The following KCNH8 variants were observed in gnomAD, a reference collection of about 807,000 sequenced individuals.
KCNH8 encodes the protein voltage-gated delayed rectifier potassium channel KCNH8.
KCNH8 carries 70 observed loss-of-function variants against 103.6 expected under a neutral mutation model. The observed-to-expected ratio is 0.68, with a 90% confidence interval of 0.56 to 0.82. KCNH8 has a LOEUF of 0.82. Ranked by LOEUF, KCNH8 falls within the 40% of genes least tolerant of loss-of-function variation. KCNH8 has a pLI of 0.00. For synonymous variants in KCNH8, 498 were observed against 489.4 expected (o/e 1.02, Z -0.23); for missense variants, 1,217 against 1,329.9 (o/e 0.92, Z 1.32).
intron 3 of KCNH8, among the ~76,000 whole-genome samples, chr3:19,322,757 A>G (rs1342331753): frequency 2.0e-5 from 3 of 152,224 alleles, no homozygotes. Context: ...AGGCCAGGGA[A>G]GCTTTCCTTG....
intron 1 of KCNH8, among the ~76,000 whole-genome samples, chr3:19,153,694 G>A (rs1403450155): frequency 7.0e-6 from 1 of 142,760 alleles, no homozygotes; most frequent in East Asian, 2.1e-4. Flanking sequence ...GTGCAGTGGT[G>A]CGATCTTGGC....
At chr3:19,249,743 A>G (rs909815421) in intron 1 of KCNH8, among the ~76,000 whole-genome samples, 6 of 152,302 alleles carry the variant, frequency 3.9e-5, no homozygotes, top group African/African-American at 1.2e-4. Flanking sequence ...TTGCTTGAGG[A>G]TACATAAGGG....
At chr3:19,509,219 C>G (rs1447429499) in intron 11 of KCNH8, among the ~76,000 whole-genome samples, 1 of 152,146 alleles carries the variant, frequency 6.6e-6, no homozygotes, top group Non-Finnish European at 1.5e-5. Flanking sequence ...AAATTAAACA[C>G]TGATGAAACA....
At chr3:19,339,491 T>G (rs1377048355) in intron 3 of KCNH8, among the ~76,000 whole-genome samples, 1 of 152,130 alleles carries the variant, frequency 6.6e-6, no homozygotes, top group African/African-American at 2.4e-5. Flanking sequence ...AAATGTAGTT[T>G]ACAAAGATTC....
intron 1 of KCNH8, among the ~76,000 whole-genome samples, chr3:19,225,559 G>A (rs1248647297): frequency 6.6e-6 from 1 of 152,076 alleles, no homozygotes; most frequent in Non-Finnish European, 1.5e-5. Flanking sequence ...TCTTCTGGAC[G>A]TATGAATGTG....
intron 3 of KCNH8, among the ~76,000 whole-genome samples, chr3:19,341,610 G>A (rs893656054): frequency 1.4e-4 from 22 of 152,126 alleles, no homozygotes; most frequent in African/African-American, 4.6e-4. Context: ...AAGAGCTATT[G>A]CAAATAAATT....
At chr3:19,413,689 G>T (rs990501383) in intron 7 of KCNH8, among the ~76,000 whole-genome samples, 3 of 151,934 alleles carry the variant, frequency 2.0e-5, no homozygotes, top group African/African-American at 7.2e-5. Context: ...CTTTGATCTC[G>T]GACTTCCAGC....
chr3:19,467,329 G>A (rs891076311), intron 11 of KCNH8, among the ~76,000 whole-genome samples: 4 of 139,158 alleles, frequency 2.9e-5, no homozygotes, highest in Admixed American at 2.1e-4. Context: ...ACACACACAT[G>A]TGCACACACA....
At position 19,312,576 on chromosome 3, in the gene KCNH8, A is replaced by G. The variant is rs946588609; in HGVS notation, c.443-30011A>G. On this transcript the variant is annotated intron_variant, in intron 3 of 15. Coordinates refer to ENST00000328405, the MANE Select transcript of KCNH8 (RefSeq NM_144633.3). ...CTGAACCATCAGTCACTTCTCAGAA[A>G]TTCTTAGCTCTTCAGTGGCCAATCA... 3.3e-5 allele frequency among the ~76,000 whole-genome samples: 5 copies of G among 152,082 alleles called. No individual in the cohort carries two copies. The East Asian group carries it at 9.7e-4, about 30-fold the overall frequency.
At chr3:19,321,293 T>C (rs2065346724) in intron 3 of KCNH8, among the ~76,000 whole-genome samples, 1 of 152,080 alleles carries the variant, frequency 6.6e-6, no homozygotes, top group Admixed American at 6.6e-5. Context: ...ATTTTTGCTC[T>C]TTCAGACTTT....
In KCNH8 at chr3:19,534,505, C is replaced by A. The variant is rs1229711821; in HGVS notation, c.*406C>A. 1.1e-5 allele frequency: 2 copies of A among 175,698 alleles called. No individual in the cohort carries two copies. The highest frequency in any genetic ancestry group is 3.1e-4 in the East Asian group (2 of 6,376). 10.9% of individuals were successfully genotyped at this position (175,698 alleles called of 1,614,324 possible). A position where few individuals can be genotyped will look rare whatever the true frequency, so the allele number is the denominator to read the frequency against. On this transcript the variant is annotated 3_prime_UTR_variant, in exon 16 of 16. Transcript: ENST00000328405. ...ACAATATCCATAGCACTGTTGGCCT[C>A]AGGAGTGCACAGCTCCTGCTGATGT...
intron 11 of KCNH8, among the ~76,000 whole-genome samples, chr3:19,457,508 A>G (rs1298098261): frequency 1.1e-4 from 17 of 152,060 alleles, no homozygotes; most frequent in Admixed American, 9.2e-4. Flanking sequence ...ATGCAATTAT[A>G]TATTTGCTGC....
At chr3:19,315,167 T>C (rs1272494498) in intron 3 of KCNH8, among the ~76,000 whole-genome samples, 1 of 151,934 alleles carries the variant, frequency 6.6e-6, no homozygotes, top group East Asian at 1.9e-4. Flanking sequence ...GGCCCAGGAT[T>C]GTGCAGACTT....
chr3:19,353,028 C>T (rs1026339188), intron 5 of KCNH8, among the ~76,000 whole-genome samples: 4 of 151,542 alleles, frequency 2.6e-5, no homozygotes, highest in Admixed American at 6.6e-5. Flanking sequence ...ATTGAATAGT[C>T]GCAATAAAAA....
chr3:19,502,394 A>C (rs1473406255), intron 11 of KCNH8, among the ~76,000 whole-genome samples: 1 of 150,930 alleles, frequency 6.6e-6, no homozygotes, highest in African/African-American at 2.4e-5. Context: ...GCTACCAATG[A>C]CTTTCTTCAC....
chr3:19,229,985 A>C lies in KCNH8; in HGVS notation c.77-23669A>C, dbSNP rs184086041. On this transcript the variant is annotated intron_variant, in intron 1 of 15. Transcript: ENST00000328405. ...AAGAAAAAGAGGTTTAATTGGACTT[A>C]ACAGTTCCACGTAGCTGGGGAGGCC... is the stretch of plus-strand genomic sequence containing the variant. Among the ~76,000 whole-genome samples the C allele has an allele frequency of 6.9e-3, 1,047 of 152,156 alleles. 12 individuals carry two copies. Among genetic ancestry groups the C allele is most frequent in the African/African-American group, 0.023 (944 of 41,414 alleles).
chr3:19,196,777 A>G (rs951250980), intron 1 of KCNH8, among the ~76,000 whole-genome samples: 5 of 152,070 alleles, frequency 3.3e-5, no homozygotes, highest in African/African-American at 1.2e-4. Context: ...CTTGTTAATT[A>G]ATAAGTTAAA....
chr3:19,439,753 G>T (rs1315888778), intron 8 of KCNH8, among the ~76,000 whole-genome samples: 1 of 151,878 alleles, frequency 6.6e-6, no homozygotes, highest in Non-Finnish European at 1.5e-5. Flanking sequence ...AATAACAGAG[G>T]TTAAAGATAA....
At chr3:19,466,486 T>C (rs2067738000) in intron 11 of KCNH8, among the ~76,000 whole-genome samples, 1 of 151,998 alleles carries the variant, frequency 6.6e-6, no homozygotes. Context: ...GTCACAAACT[T>C]CATTGTTGTT....
Sources: gnomAD v4.1 joint callset for allele counts (sites outside exome capture counted in the v4.1 genomes callset) on GRCh38, gnomAD v4.1.1 for gene constraint, MANE v1.5 for transcripts, NCBI Gene and HGNC (gene_info 2026-07-23, HGNC 2026-07-21) for gene names.